MCPH1: variants seen among roughly 807,000 people sequenced by gnomAD.
MCPH1 encodes the protein microcephalin.
Under a neutral mutation model 84.5 loss-of-function variants are expected in MCPH1, and 104 were observed. The observed-to-expected ratio is 1.23, with a 90% CI of 1.05 to 1.45. The LOEUF is 1.45. Ranked by LOEUF, MCPH1 falls within the 40% of genes most tolerant of loss-of-function variation. The pLI, the probability that MCPH1 is intolerant of heterozygous loss-of-function variation, is 0.00. For missense variants in MCPH1, 1,498 were observed against 1,005.7 expected (o/e 1.49, Z -6.62); for synonymous variants, 514 against 366.8 (o/e 1.40, Z -4.58).
intron 1 of MCPH1, 121 bp downstream of exon 1, chr8:6,406,810 C>G (rs1299915877): frequency 9.0e-7 from 1 of 1,111,168 alleles, no homozygotes; most frequent in African/African-American, 1.5e-5. Flanking sequence ...CGCTGCCTGT[C>G]TCCCCCAGAC....
At chr8:6,409,645 A>C (rs1268429509) in intron 2 of MCPH1, among the ~76,000 whole-genome samples, 2 of 151,794 alleles carry the variant, frequency 1.3e-5, no homozygotes, top group African/African-American at 4.8e-5. Context: ...AAGCAAAGTG[A>C]GGAATACAGG....
At chr8:6,505,239 A>AATATATATATTCTTATGTATATATAGAAT (rs3990064) in intron 12 of MCPH1, among the ~76,000 whole-genome samples, 4 of 60,884 alleles carry the variant, frequency 6.6e-5, no homozygotes, top group South Asian at 5.1e-4. Flanking sequence ...GTATATATAG[A>AATATATATATTCTTATGTATATATAGAAT]ATATATATTC....
chr8:6,625,545 A>G, intron 13 of MCPH1: 1 of 982,544 alleles, frequency 1.0e-6, no homozygotes, highest in Non-Finnish European at 1.2e-6. Flanking sequence ...TAAATAAATT[A>G]AATTATGAAA....
chr8:6,477,252 C>T (rs900797592), intron 9 of MCPH1: 2 of 247,984 alleles, frequency 8.1e-6, no homozygotes, highest in East Asian at 9.7e-5. Flanking sequence ...TCTACAAAAA[C>T]ACCCTTCTTA....
chr8:6,431,491 T>G lies in MCPH1; in HGVS notation c.234-8T>G. ...TACTCATTAGACTACCTTAATTTAA[T>G]TATACAGATGCAGGACAGCTGGAGC... On this transcript the variant is annotated splice_region_variant and splice_polypyrimidine_tract_variant and intron_variant, in intron 3 of 13. Transcript: ENST00000344683. 4.4e-6 allele frequency: 7 copies of G among 1,609,018 alleles called. No individual in the cohort carries two copies. The highest frequency in any genetic ancestry group is 6.0e-6 in the Non-Finnish European group (7 of 1,175,602).
chr8:6,634,599 C>A (rs905540567), intron 13 of MCPH1, among the ~76,000 whole-genome samples: 2 of 152,192 alleles, frequency 1.3e-5, no homozygotes, highest in Non-Finnish European at 2.9e-5. Flanking sequence ...TCTTACCAGT[C>A]CATTATTATG....
At chr8:6,413,911 C>G (rs151230639) in intron 2 of MCPH1, among the ~76,000 whole-genome samples, 17 of 152,154 alleles carry the variant, frequency 1.1e-4, no homozygotes, top group African/African-American at 4.1e-4. Flanking sequence ...CGAACCTCCA[C>G]GCTTGGCTAA....
At chr8:6,411,393 C>T (rs2129551101) in intron 2 of MCPH1, among the ~76,000 whole-genome samples, 1 of 152,258 alleles carries the variant, frequency 6.6e-6, no homozygotes. Context: ...TGACCAAAAG[C>T]AAGCAAGGCA....
At position 6,450,219 on chromosome 8, in the gene MCPH1, A is replaced by C. The variant is rs574064841; in HGVS notation, c.1825+4672A>C. On this transcript the variant is annotated intron_variant, in intron 8 of 13. Transcript: ENST00000344683. ...TACTCTTCTACCTTCTATCTACCAG[A>C]TCTTGTTGAAGGCAAGTATCAGAAA... 3.9e-5 allele frequency among the ~76,000 whole-genome samples: 6 copies of C among 152,266 alleles called. No individual in the cohort carries two copies. The South Asian group carries it at 1.2e-3, about 32-fold the overall frequency.
intron 9 of MCPH1, among the ~76,000 whole-genome samples, chr8:6,467,370 C>T (rs1013531007): frequency 6.6e-6 from 1 of 152,086 alleles, no homozygotes; most frequent in Non-Finnish European, 1.5e-5. Flanking sequence ...TTCTGCTTTT[C>T]ATTTTAAAGT....
At chr8:6,567,165 G>T (rs926434889) in intron 12 of MCPH1, among the ~76,000 whole-genome samples, 1 of 54,246 alleles carries the variant, frequency 1.8e-5, no homozygotes, top group Non-Finnish European at 5.4e-5. Flanking sequence ...TGCCCGTGGC[G>T]TGGTGTCCAT....
chr8:6,535,232 C>T (rs772240723), intron 12 of MCPH1, among the ~76,000 whole-genome samples: 1 of 152,212 alleles, frequency 6.6e-6, no homozygotes, highest in South Asian at 2.1e-4. Context: ...ATACTGCCTT[C>T]CCCCATTTCT....
intron 12 of MCPH1, chr8:6,618,349 T>C (rs905982426): frequency 2.0e-5 from 3 of 152,138 alleles, no homozygotes; most frequent in African/African-American, 7.2e-5. Context: ...GATAGGAAAA[T>C]TGGCCAAGAT....
chr8:6,499,378 G>A (rs1209315608), intron 11 of MCPH1, among the ~76,000 whole-genome samples: 1 of 152,076 alleles, frequency 6.6e-6, no homozygotes, highest in East Asian at 1.9e-4. Flanking sequence ...GTATTCTGGG[G>A]ACTTCTGAAA....
intron 8 of MCPH1, among the ~76,000 whole-genome samples, chr8:6,448,053 G>A (rs1196594032): frequency 1.3e-5 from 2 of 152,070 alleles, no homozygotes; most frequent in African/African-American, 2.4e-5. Context: ...TGTGTCTCAG[G>A]TGCTCTTCAA....
At chr8:6,526,272 A>T (rs559439750) in intron 12 of MCPH1, among the ~76,000 whole-genome samples, 2 of 150,368 alleles carry the variant, frequency 1.3e-5, no homozygotes, top group African/African-American at 4.9e-5. Flanking sequence ...AAAAAAAAAA[A>T]AAAAAAAAAA....
chr8:6,442,774 C>A (rs893998335), intron 7 of MCPH1, among the ~76,000 whole-genome samples: 10 of 152,172 alleles, frequency 6.6e-5, no homozygotes, highest in African/African-American at 1.2e-4. Context: ...TAGCAGTGAT[C>A]CCTGAAAGTA....
At chr8:6,612,572 C>A (rs1339590529) in intron 12 of MCPH1, among the ~76,000 whole-genome samples, 2 of 152,230 alleles carry the variant, frequency 1.3e-5, no homozygotes, top group Non-Finnish European at 2.9e-5. Context: ...CCACCCTGGG[C>A]TTCCTGACCC....
chr8:6,633,079 G>A (rs1391785397), intron 13 of MCPH1, among the ~76,000 whole-genome samples: 2 of 151,418 alleles, frequency 1.3e-5, no homozygotes, highest in African/African-American at 2.4e-5. Context: ...TAACTATGGA[G>A]GTTATCTATA....
Sources: allele counts gnomAD v4.1 joint callset (sites outside exome capture counted in the v4.1 genomes callset), GRCh38; gene constraint gnomAD v4.1.1; transcripts MANE v1.5; gene names NCBI Gene and HGNC (gene_info 2026-07-23, HGNC 2026-07-21).